The following RILPL1 variants were observed in gnomAD, a reference collection of about 807,000 sequenced individuals.
The protein encoded by RILPL1 is RILP-like protein 1.
In RILPL1, 33 loss-of-function variants were observed where a neutral mutation model predicts 50.3. The ratio of observed to expected loss-of-function variants is 0.66; its 90% CI spans 0.50 to 0.88. RILPL1 has a LOEUF of 0.88. Ranked by LOEUF, RILPL1 falls within the 40% of genes least tolerant of loss-of-function variation. The pLI, the probability that RILPL1 is intolerant of heterozygous loss-of-function variation, is 0.00. For synonymous variants in RILPL1, 205 were observed against 228.6 expected (o/e 0.90, Z 0.93); for missense variants, 418 against 542.5 (o/e 0.77, Z 2.28).
chr12:123,474,813 CCT>C (rs1162191728), intron 6 of RILPL1: 3 of 152,128 alleles, frequency 2.0e-5, no homozygotes, highest in Non-Finnish European at 4.4e-5. Flanking sequence ...TTTTTGGTTC[CCT>C]CTGTTTGCTG....
chr12:123,485,252 A>G lies in RILPL1; in HGVS notation c.974+381T>C. On this transcript the variant is annotated intron_variant, in intron 5 of 6. Transcript: ENST00000376874. This position sits in a 1 kb window ranked among gnomAD's most constrained non-coding sequence, Gnocchi z 4.0. The stretch of plus-strand genomic sequence containing the variant: ...CAATAAAGCAAGCATGAGAGTGAAC[A>G]GGATAATGTAGGAGGTGAAAAGGGC... The G allele has an allele frequency of 2.2e-6, 1 of 461,800 alleles. No individual in the cohort carries two copies. Among genetic ancestry groups the G allele is most frequent in the South Asian group, 1.5e-5 (1 of 64,616 alleles). The allele number at this position is 461,800 out of a possible 1,614,324, so 28.6% of individuals were successfully genotyped here. A position where few individuals can be genotyped will look rare whatever the true frequency, so the allele number is the denominator to read the frequency against.
Position 123,533,545 on chromosome 12 carries a change from C to T in RILPL1, c.-63G>A. On this transcript the variant is annotated 5_prime_UTR_variant, in exon 1 of 7. Transcript: ENST00000376874. This position sits in a 1 kb window ranked among gnomAD's most constrained non-coding sequence, Gnocchi z 6.2. ...GTGCAACTCCCAAACTTGCCGCTGT[C>T]GAGGGCCGGGCCGGCCGGGCCCAGC... 1 of 1,371,348 alleles carries T rather than the reference C, an allele frequency of 7.3e-7. No homozygotes were observed. 84.9% of individuals were successfully genotyped at this position (1,371,348 alleles called of 1,614,324 possible). A position where few individuals can be genotyped will look rare whatever the true frequency, so the allele number is the denominator to read the frequency against.
At chr12:123,479,810 C>G (rs1329519498) in intron 6 of RILPL1, among the ~76,000 whole-genome samples, 1 of 152,188 alleles carries the variant, frequency 6.6e-6, no homozygotes, top group Non-Finnish European at 1.5e-5. Context: ...CCTGAGCAAC[C>G]AGAAGCCAAC....
chr12:123,502,283 T>C (rs1045472365), intron 2 of RILPL1, among the ~76,000 whole-genome samples: 13 of 152,202 alleles, frequency 8.5e-5, no homozygotes, highest in African/African-American at 2.9e-4. Flanking sequence ...AGGGTGACTG[T>C]AGTCTGAGGC....
intron 2 of RILPL1, among the ~76,000 whole-genome samples, chr12:123,517,083 C>CA (rs1437695465): frequency 6.6e-6 from 1 of 151,898 alleles, no homozygotes; most frequent in African/African-American, 2.4e-5. Context: ...AAAAAACAAA[C>CA]AAAAAAATCC....
intron 4 of RILPL1, among the ~76,000 whole-genome samples, chr12:123,493,397 CAATA>C: frequency 6.6e-6 from 1 of 152,334 alleles, no homozygotes; most frequent in African/African-American, 2.4e-5. Context: ...CACGAATGAT[CAATA>C]AATACTAAAG....
Position 123,533,436 on chromosome 12 carries a change from T to C in RILPL1, c.47A>G (p.Glu16Gly), listed in dbSNP as rs772052730. Reference protein sequence around the residue: ...GSALAAESALEKNVAELTVMD... With the variant: ...GSALAAESALGKNVAELTVMD... ...GACGGTCAGCTCGGCCACGTTCTTC[T>C]CCAGCGCCGACTCGGCCGCCAGCGC... Residue 16 changes from glutamate (E) to glycine (G), a missense_variant, in exon 1 of 7, where the codon GAG becomes GGG. Glu to Gly is a moderately conservative substitution (Grantham distance 98). Transcript: ENST00000376874. This position sits in a 1 kb window ranked among gnomAD's most constrained non-coding sequence, Gnocchi z 6.2. The C allele has an allele frequency of 2.0e-6, 3 of 1,536,416 alleles. No individual in the cohort carries two copies. Among genetic ancestry groups the C allele is most frequent in the Admixed American group, 2.0e-5 (1 of 50,852 alleles).
At chr12:123,479,204 A>C (rs938974823) in intron 6 of RILPL1, among the ~76,000 whole-genome samples, 1 of 152,250 alleles carries the variant, frequency 6.6e-6, no homozygotes, top group African/African-American at 2.4e-5. Context: ...TCTGGGCCTC[A>C]GTTCCCTCAT....
At chr12:123,521,550 TG>T (rs1885004981) in intron 2 of RILPL1, among the ~76,000 whole-genome samples, 2 of 9,554 alleles carry the variant, frequency 2.1e-4, no homozygotes, top group South Asian at 3.4e-3. Flanking sequence ...TATATATATG[TG>T]TGTATATATA....
intron 6 of RILPL1, among the ~76,000 whole-genome samples, chr12:123,476,459 AAG>A (rs1881596164): frequency 6.7e-6 from 1 of 149,874 alleles, no homozygotes; most frequent in Non-Finnish European, 1.5e-5. Context: ...AAAAGAAAAA[AAG>A]AAATAGGGTC....
At chr12:123,523,127 CT>C (rs1191747789) in intron 2 of RILPL1, among the ~76,000 whole-genome samples, 1 of 152,190 alleles carries the variant, frequency 6.6e-6, no homozygotes, top group Non-Finnish European at 1.5e-5. Context: ...CGGCCGCCCC[CT>C]GGAACTATGG....
intron 2 of RILPL1, among the ~76,000 whole-genome samples, chr12:123,509,876 G>A (rs1883979533): frequency 6.6e-6 from 1 of 152,246 alleles, no homozygotes. Flanking sequence ...GAAAAGATAA[G>A]AAACACTAGC....
intron 1 of RILPL1, among the ~76,000 whole-genome samples, chr12:123,532,305 C>T (rs1245949637): frequency 6.6e-6 from 1 of 152,226 alleles, no homozygotes; most frequent in Non-Finnish European, 1.5e-5. Flanking sequence ...TCCTTTTCTC[C>T]AGAAACCTCG....
At chr12:123,484,947 C>A in intron 5 of RILPL1, 1 of 313,002 alleles carries the variant, frequency 3.2e-6, no homozygotes, top group Non-Finnish European at 6.5e-6. Context: ...GCATGAGCCA[C>A]CGCGCCCGGC....
At chr12:123,486,020 C>G (rs1882309989) in intron 4 of RILPL1, among the ~76,000 whole-genome samples, 1 of 152,136 alleles carries the variant, frequency 6.6e-6, no homozygotes, top group Non-Finnish European at 1.5e-5. Context: ...TTCGCCTTCC[C>G]AATAGCCGAA....
intron 4 of RILPL1, among the ~76,000 whole-genome samples, chr12:123,486,365 G>A (rs957527899): frequency 2.0e-5 from 3 of 152,080 alleles, no homozygotes; most frequent in African/African-American, 7.2e-5. Context: ...GTGCACACTC[G>A]GCCATTTCTC....
chr12:123,481,714 G>T (rs771009393), intron 6 of RILPL1, among the ~76,000 whole-genome samples: 14 of 150,940 alleles, frequency 9.3e-5, no homozygotes, highest in Admixed American at 2.6e-4. Context: ...GTGCCACCAC[G>T]CCCGGCTGAT....
rs563851579 is a variant in RILPL1 at position 123,484,836 on chromosome 12, T to C, written c.975-564A>G. The C allele has an allele frequency of 1.5e-4, 38 of 253,948 alleles. No individual in the cohort carries two copies. In the South Asian group the frequency reaches 1.8e-3, roughly 12 times the overall value. 15.7% of individuals were successfully genotyped at this position (253,948 alleles called of 1,614,324 possible). A position where few individuals can be genotyped will look rare whatever the true frequency, so the allele number is the denominator to read the frequency against. Reference sequence around the variant, plus strand: ...ATACCTGGCTAATTTTTAAAAATTTTTGTGTAGAGATGGGGGTCCCACTAT... The same window carrying C: ...ATACCTGGCTAATTTTTAAAAATTTCTGTGTAGAGATGGGGGTCCCACTAT... On this transcript the variant is annotated intron_variant, in intron 5 of 6. Coordinates refer to ENST00000376874, the MANE Select transcript of RILPL1 (RefSeq NM_178314.5).
At chr12:123,493,474 C>A (rs1326128353) in intron 4 of RILPL1, among the ~76,000 whole-genome samples, 1 of 152,204 alleles carries the variant, frequency 6.6e-6, no homozygotes, top group East Asian at 1.9e-4. Context: ...CCCCTTATTT[C>A]TTTCTCTATA....
Sources: allele counts gnomAD v4.1 joint callset (sites outside exome capture counted in the v4.1 genomes callset), GRCh38; gene constraint gnomAD v4.1.1; non-coding constraint Gnocchi (gnomAD v3.1); transcripts MANE v1.5; gene names NCBI Gene and HGNC (gene_info 2026-07-23, HGNC 2026-07-21).